Variants in GPHN observed in about 807,000 individuals in gnomAD.
The protein encoded by GPHN is gephyrin.
In GPHN, 17 loss-of-function variants were observed where a neutral mutation model predicts 95.5. The observed-to-expected ratio is 0.18, with a 90% confidence interval of 0.12 to 0.27. GPHN has a LOEUF of 0.27. GPHN is among the 10% of genes least tolerant of loss of function. The pLI is 1.00. For missense variants in GPHN, 660 were observed against 978.1 expected (o/e 0.67, Z 4.34); for synonymous variants, 320 against 322.5 (o/e 0.99, Z 0.08).
At chr14:67,140,720 A>G (rs1420560080) in intron 17 of GPHN, among the ~76,000 whole-genome samples, 2 of 152,208 alleles carry the variant, frequency 1.3e-5, no homozygotes, top group African/African-American at 4.8e-5. Context: ...ATGAGGAACC[A>G]TTGGCTTAGC....
the GPHN span, chr14:67,349,170 G>C: frequency 6.8e-7 from 1 of 1,463,356 alleles, no homozygotes; most frequent in Non-Finnish European, 9.5e-7. Context: ...GGACCCACTG[G>C]ATAGTTTTAA....
In GPHN at chr14:66,797,858, A is replaced by G. The variant is rs1073217; in HGVS notation, c.201+21337A>G. ...TGGTCTATCTAGAACAGCCATTACTATGTTGAGTAACACTGATGACAATGG... is the reference window on the plus strand; with the variant it reads ...TGGTCTATCTAGAACAGCCATTACTGTGTTGAGTAACACTGATGACAATGG... On this transcript the variant is annotated intron_variant, in intron 3 of 22. Transcript: ENST00000478722. Among the ~76,000 whole-genome samples the G allele has an allele frequency of 5.5e-3, 836 of 152,044 alleles. 8 individuals are homozygous for G. The highest frequency in any genetic ancestry group is 0.019 in the African/African-American group (788 of 41,526).
At chr14:66,899,607 G>T (rs1596317154) in intron 5 of GPHN, among the ~76,000 whole-genome samples, 2 of 151,852 alleles carry the variant, frequency 1.3e-5, no homozygotes, top group Admixed American at 1.3e-4. Context: ...TTGAATTCTT[G>T]GAGTAAACCC....
chr14:67,068,744 A>C (rs1202733993), intron 11 of GPHN, among the ~76,000 whole-genome samples: 1 of 152,214 alleles, frequency 6.6e-6, no homozygotes, highest in Non-Finnish European at 1.5e-5. Context: ...CTAGTCAAGG[A>C]AACTTTAAGT....
intron 1 of GPHN, among the ~76,000 whole-genome samples, chr14:66,675,752 T>G (rs1218849933): frequency 1.3e-5 from 2 of 152,204 alleles, no homozygotes; most frequent in Admixed American, 1.3e-4. Context: ...GGTCACAGGT[T>G]TAAATCTTTA....
chr14:67,432,062 AGT>A, the GPHN span, among the ~76,000 whole-genome samples: 1 of 152,254 alleles, frequency 6.6e-6, no homozygotes, highest in Non-Finnish European at 1.5e-5. Flanking sequence ...TATAGTGAGA[AGT>A]GTGTCTCTCC....
At chr14:66,757,510 C>A (rs2058605814) in intron 2 of GPHN, among the ~76,000 whole-genome samples, 1 of 152,170 alleles carries the variant, frequency 6.6e-6, no homozygotes, top group African/African-American at 2.4e-5. Context: ...CTGCCTTAGC[C>A]TCCCGAGTAG....
the GPHN span, among the ~76,000 whole-genome samples, chr14:67,387,623 C>T: frequency 6.6e-6 from 1 of 152,190 alleles, no homozygotes. Flanking sequence ...TCCCCTTTTC[C>T]TCCCATTCCC....
chr14:66,616,088 C>A (rs1014876720), intron 1 of GPHN, among the ~76,000 whole-genome samples: 1 of 151,578 alleles, frequency 6.6e-6, no homozygotes, highest in Non-Finnish European at 1.5e-5. Flanking sequence ...GTTTTGGTAC[C>A]AGTACCATGC....
At chr14:67,358,219 C>A in the GPHN span, among the ~76,000 whole-genome samples, 31 of 152,144 alleles carry the variant, frequency 2.0e-4, no homozygotes, top group African/African-American at 7.0e-4. Context: ...CCTAGGAGTT[C>A]TGCAGTTGTC....
the GPHN span, among the ~76,000 whole-genome samples, chr14:67,459,050 G>A: frequency 2.0e-5 from 3 of 152,128 alleles, no homozygotes; most frequent in African/African-American, 7.2e-5. Flanking sequence ...ACCATGCCAG[G>A]CTAATTTTTT....
At chr14:66,701,389 A>G (rs2068542555) in intron 2 of GPHN, among the ~76,000 whole-genome samples, 1 of 152,230 alleles carries the variant, frequency 6.6e-6, no homozygotes, top group Non-Finnish European at 1.5e-5. Flanking sequence ...ATGGCTGACT[A>G]GAAACAGTAG....
intron 5 of GPHN, among the ~76,000 whole-genome samples, chr14:66,896,166 T>C (rs2064838924): frequency 6.6e-6 from 1 of 152,134 alleles, no homozygotes. Flanking sequence ...ACTATTGCAC[T>C]GGGGATTAGA....
At chr14:66,937,358 G>T (rs2067181309) in intron 8 of GPHN, among the ~76,000 whole-genome samples, 1 of 151,600 alleles carries the variant, frequency 6.6e-6, no homozygotes, top group Non-Finnish European at 1.5e-5. Flanking sequence ...ATTAGGTTTG[G>T]GCTGATTCGT....
intron 1 of GPHN, among the ~76,000 whole-genome samples, chr14:66,664,989 CAAAA>C (rs937401198): frequency 1.8e-5 from 1 of 54,898 alleles, no homozygotes; most frequent in African/African-American, 6.1e-5. Context: ...GCCTACCAAC[CAAAA>C]AAAAAAAAAA....
chr14:66,672,903 T>C (rs1416587658), intron 1 of GPHN, among the ~76,000 whole-genome samples: 4 of 152,184 alleles, frequency 2.6e-5, no homozygotes, highest in Non-Finnish European at 5.9e-5. Context: ...ACCATTGACA[T>C]TCAACATCGT....
the GPHN span, chr14:67,662,418 T>C: frequency 7.1e-7 from 1 of 1,399,204 alleles, no homozygotes; most frequent in Non-Finnish European, 1.0e-6. Context: ...GCTCATAGCA[T>C]TACTTCTGGA....
At chr14:67,390,571 A>T in the GPHN span, 1 of 883,700 alleles carries the variant, frequency 1.1e-6, no homozygotes, top group Non-Finnish European at 1.9e-6. Flanking sequence ...AGGGGAAGGC[A>T]GGATATCCAG....
intron 2 of GPHN, among the ~76,000 whole-genome samples, chr14:66,699,287 A>C (rs2068338875): frequency 6.6e-6 from 1 of 152,158 alleles, no homozygotes; most frequent in South Asian, 2.1e-4. Context: ...CCAACATGGC[A>C]CATGTATACA....
Sources: allele counts gnomAD v4.1 joint callset (sites outside exome capture counted in the v4.1 genomes callset), GRCh38; gene constraint gnomAD v4.1.1; transcripts MANE v1.5; gene names NCBI Gene and HGNC (gene_info 2026-07-23, HGNC 2026-07-21).